The following ABCA9 variants were observed in gnomAD, a reference collection of about 807,000 sequenced individuals.
ABCA9 encodes ATP-binding cassette sub-family A member 9.
ABCA9 carries 183 observed loss-of-function variants against 205.3 expected under a neutral mutation model. The ratio of observed to expected loss-of-function variants is 0.89; its 90% CI spans 0.79 to 1.01. ABCA9 has a LOEUF of 1.01. ABCA9 is among the 50% of genes least tolerant of loss of function. ABCA9 has a pLI of 0.00. For missense variants in ABCA9, 1,805 were observed against 1,912.4 expected, an observed-to-expected ratio of 0.94 and a Z score of 1.05; for synonymous variants, 651 against 683.3, an observed-to-expected ratio of 0.95 and a Z score of 0.74.
intron 16 of ABCA9, 76 bp from the exon 17 acceptor site, chr17:69,024,429 G>C: frequency 7.4e-7 from 1 of 1,342,512 alleles, no homozygotes; most frequent in Non-Finnish European, 9.9e-7. Flanking sequence ...TGTAGTATGT[G>C]CTTGTCACTT....
intron 30 of ABCA9, among the ~76,000 whole-genome samples, chr17:68,989,441 C>T (rs1490189280): frequency 6.6e-6 from 1 of 152,064 alleles, no homozygotes; most frequent in Non-Finnish European, 1.5e-5. Flanking sequence ...TTGTACGAAC[C>T]CCCCACTTTC....
intron 10 of ABCA9, among the ~76,000 whole-genome samples, chr17:69,029,880 G>C (rs763783713): frequency 4.0e-4 from 61 of 152,076 alleles, no homozygotes; most frequent in Non-Finnish European, 7.4e-4. Flanking sequence ...AACAAAGAAA[G>C]ATTCTTAAAA....
chr17:68,986,666 GTTATAA>G (rs1211585463), intron 31 of ABCA9: 1 of 187,170 alleles, frequency 5.3e-6, no homozygotes, highest in Non-Finnish European at 1.1e-5. Flanking sequence ...GCCAGTGATA[GTTATAA>G]TTATAGGATT....
chr17:69,051,192 A>G (rs2071891108), intron 1 of ABCA9, 53 bp from the exon 2 acceptor site: 4 of 1,495,610 alleles, frequency 2.7e-6, no homozygotes, highest in Non-Finnish European at 3.6e-6. Flanking sequence ...AAAGTAGAAA[A>G]CATTGTGCAA....
rs1254202372 is a variant in ABCA9, at chr17:69,033,811, G to A, written c.1191C>T (p.Tyr397=). Residue 397 remains tyrosine, a synonymous_variant, in exon 9 of 39, where the codon TAC becomes TAT. Coordinates refer to ENST00000340001, the MANE Select transcript of ABCA9 (RefSeq NM_080283.4). The part of the protein sequence containing the change: ...NAHLDSSQNP[Y]LIIATLFMLV... ...ACATGAAAAGAGTAGCTATTATGAG[G>A]TATGGATTTTGTGAAGAATCCAAGT... 1.1e-5 allele frequency: 17 copies of A among 1,607,442 alleles called. No individual in the cohort carries two copies. Among genetic ancestry groups the A allele is most frequent in the East Asian group, 2.2e-5 (1 of 44,704 alleles).
chr17:69,078,495 C>T, the ABCA9 span, among the ~76,000 whole-genome samples: 9 of 152,130 alleles, frequency 5.9e-5, no homozygotes, highest in African/African-American at 1.9e-4. Flanking sequence ...CTGCACCTGG[C>T]CCCTTACTTT....
the ABCA9 span, among the ~76,000 whole-genome samples, chr17:69,078,210 G>GTT: frequency 0.5 from 71,031 of 141,318 alleles, 20,269 homozygotes; most frequent in Non-Finnish European, 0.65. Flanking sequence ...TGTTTTTGTT[G>GTT]TTTTTTTTTT....
At chr17:69,040,862 A>C (rs148674836) in intron 6 of ABCA9, among the ~76,000 whole-genome samples, 65 of 152,326 alleles carry the variant, frequency 4.3e-4, no homozygotes, top group African/African-American at 1.5e-3. Context: ...ATATAGACGA[A>C]TATGAAGATA....
chr17:68,975,855 A>G lies in ABCA9; in HGVS notation c.*60T>C. The G allele has an allele frequency of 7.7e-7, 1 of 1,305,164 alleles. No individual in the cohort carries two copies. Among genetic ancestry groups the G allele is most frequent in the African/African-American group, 1.5e-5 (1 of 67,608 alleles). 80.8% of individuals were successfully genotyped at this position (1,305,164 alleles called of 1,614,324 possible). The stretch of plus-strand genomic sequence containing the variant: ...CTCTGATATAAGGCATATTAAGGCT[A>G]TAAAATATTATCTTTAAAAGAGTCA... On this transcript the variant is annotated 3_prime_UTR_variant, in exon 39 of 39. Transcript: ENST00000340001.
rs189007601 is a variant in ABCA9, at chr17:69,021,296, C to G, written c.2401+446G>C. Among the ~76,000 whole-genome samples, 3 of 152,096 alleles carry G rather than the reference C, an allele frequency of 2.0e-5. No individual in the cohort carries two copies. The East Asian group carries it at 5.8e-4, about 29-fold the overall frequency. On this transcript the variant is annotated intron_variant, in intron 18 of 38. Transcript: ENST00000340001. ...ATAGTGAACCAGTAAAAAAAATTATCTTAGCAGCAATAAGAGAGAAAAGAC... is the reference window on the plus strand; with the variant it reads ...ATAGTGAACCAGTAAAAAAAATTATGTTAGCAGCAATAAGAGAGAAAAGAC...
chr17:69,065,706 C>G (rs753092164), upstream of ABCA9, among the ~76,000 whole-genome samples: 2 of 152,172 alleles, frequency 1.3e-5, no homozygotes. Context: ...GCTCTGATCT[C>G]TCCTCCCACA....
At chr17:69,027,215 C>T in intron 14 of ABCA9, 101 bp from the exon 15 acceptor site, 1 of 1,565,848 alleles carries the variant, frequency 6.4e-7, no homozygotes, top group East Asian at 2.3e-5. Flanking sequence ...CTTGTTAGTA[C>T]TTAATATTTC....
At chr17:69,065,221 GA>G (rs930235602), upstream of ABCA9, among the ~76,000 whole-genome samples, 1 of 152,100 alleles carries the variant, frequency 6.6e-6, no homozygotes, top group African/African-American at 2.4e-5. Context: ...TAAGTTCTGG[GA>G]AAATTTTAAC....
chr17:69,011,122 T>TATCAC (rs2070355785), intron 23 of ABCA9, among the ~76,000 whole-genome samples: 1 of 152,066 alleles, frequency 6.6e-6, no homozygotes, highest in Non-Finnish European at 1.5e-5. Flanking sequence ...ATTGGTATTA[T>TATCAC]ATCACCACAT....
the ABCA9 span, among the ~76,000 whole-genome samples, chr17:69,072,610 A>G: frequency 0.015 from 2,289 of 150,010 alleles, 42 homozygotes; most frequent in African/African-American, 0.052. Flanking sequence ...TAAATATGGA[A>G]AGGAAAAACT....
At chr17:68,999,952 T>A (rs989384406) in intron 25 of ABCA9, among the ~76,000 whole-genome samples, 160 of 152,322 alleles carry the variant, frequency 1.1e-3, no homozygotes, top group African/African-American at 3.7e-3. Context: ...TTCATGTCCT[T>A]CGCCCACTTT....
chr17:69,064,513 C>T (rs1230526799), upstream of ABCA9, among the ~76,000 whole-genome samples: 2 of 152,166 alleles, frequency 1.3e-5, no homozygotes, highest in Non-Finnish European at 2.9e-5. Context: ...TACCTTGGAG[C>T]CCCAATGATT....
chr17:68,989,291 CA>C lies in ABCA9; in HGVS notation c.3956-174del, dbSNP rs1408648302. The stretch of plus-strand genomic sequence containing the variant: ...ACACACACACACACACACACACACA[CA>C]CACCCCTGAGCATTATAACTAGCTT... On this transcript the variant is annotated intron_variant, in intron 30 of 38. Coordinates refer to ENST00000340001, the MANE Select transcript of ABCA9 (RefSeq NM_080283.4). 7 of 518,164 alleles carry C rather than the reference CA, an allele frequency of 1.4e-5. No homozygotes were observed. The East Asian group carries it at 1.5e-4, about 11-fold the overall frequency. 32.1% of individuals were successfully genotyped at this position (518,164 alleles called of 1,614,324 possible).
In ABCA9 at chr17:68,978,562, T is replaced by A. The variant is rs530199110; in HGVS notation, c.4721-2372A>T. 1.1e-4 allele frequency among the ~76,000 whole-genome samples: 17 copies of A among 152,358 alleles called. No homozygotes were observed. In the East Asian group the frequency reaches 3.3e-3, roughly 29 times the overall value. On this transcript the variant is annotated intron_variant, in intron 37 of 38. Transcript: ENST00000340001. Reference sequence around the variant, plus strand: ...TAGTTGATGCAGTTTCTTCCTAGCCTCAATGGTCTTTACAATTAGGCATGT... The same window carrying A: ...TAGTTGATGCAGTTTCTTCCTAGCCACAATGGTCTTTACAATTAGGCATGT...
Sources: allele counts gnomAD v4.1 joint callset (sites outside exome capture counted in the v4.1 genomes callset), GRCh38; gene constraint gnomAD v4.1.1; transcripts MANE v1.5; gene names NCBI Gene and HGNC (gene_info 2026-07-23, HGNC 2026-07-21).